The following PLD1 variants were observed in gnomAD, a reference collection of about 807,000 sequenced individuals.
PLD1 encodes choline phosphatase 1.
In PLD1, 112 loss-of-function variants were observed where a neutral mutation model predicts 137.1. That is an observed-to-expected ratio of 0.82 (90% CI 0.70 to 0.96). The LOEUF is 0.96. Among genes scored for constraint, PLD1 ranks in the 40% least tolerant of loss-of-function variants. The pLI, the probability that PLD1 is intolerant of heterozygous loss-of-function variation, is 0.00. For synonymous variants in PLD1, 431 were observed against 454.7 expected (o/e 0.95, Z 0.66); for missense variants, 1,321 against 1,342.0 (o/e 0.98, Z 0.24).
At chr3:171,799,085 A>AATC (rs1723542447) in intron 1 of PLD1, among the ~76,000 whole-genome samples, 1 of 152,224 alleles carries the variant, frequency 6.6e-6, no homozygotes. Context: ...TCATGCCTGT[A>AATC]ATCCCAGCAC....
chr3:171,748,493 A>G (rs1033329858), intron 1 of PLD1, among the ~76,000 whole-genome samples: 2 of 152,138 alleles, frequency 1.3e-5, no homozygotes, highest in Admixed American at 6.5e-5. Context: ...TTGGCAGTAC[A>G]GAGAGTGTTT....
At chr3:171,758,044 G>A (rs1474582635) in intron 1 of PLD1, among the ~76,000 whole-genome samples, 1 of 152,188 alleles carries the variant, frequency 6.6e-6, no homozygotes, top group African/African-American at 2.4e-5. Flanking sequence ...AAATTAAAGA[G>A]CTGGCTTTTA....
intron 1 of PLD1, among the ~76,000 whole-genome samples, chr3:171,750,828 C>T (rs1056520810): frequency 6.6e-6 from 1 of 152,116 alleles, no homozygotes; most frequent in Non-Finnish European, 1.5e-5. Context: ...CTAAGAATTT[C>T]TTACAGAACC....
chr3:171,661,395 C>CT (rs1418091305), intron 20 of PLD1, among the ~76,000 whole-genome samples: 1 of 152,052 alleles, frequency 6.6e-6, no homozygotes, highest in Non-Finnish European at 1.5e-5. Context: ...ATTATTGTGA[C>CT]TTTTTATTTT....
chr3:171,652,512 G>C (rs952110054), intron 21 of PLD1, among the ~76,000 whole-genome samples: 6 of 151,704 alleles, frequency 4.0e-5, no homozygotes, highest in African/African-American at 1.2e-4. Context: ...CAAAATTATA[G>C]GATATGGTAA....
intron 15 of PLD1, 141 bp from the exon 16 acceptor site, chr3:171,686,939 T>G (rs1714626248): frequency 1.9e-6 from 1 of 531,308 alleles, no homozygotes. Flanking sequence ...TTGTAGGGCT[T>G]TAAGATGGAT....
chr3:171,694,557 CAA>C (rs3050444), intron 12 of PLD1, among the ~76,000 whole-genome samples: 33 of 133,942 alleles, frequency 2.5e-4, no homozygotes, highest in African/African-American at 2.7e-4. Context: ...ATAATGGTTA[CAA>C]AAAAAAAAAA....
In PLD1 at chr3:171,693,125, A is replaced by T. The variant is rs117519783; in HGVS notation, c.1228-683T>A. On this transcript the variant is annotated intron_variant, in intron 12 of 26. Transcript: ENST00000351298. ...GTGGCCTATTTAATCGAGTCAAATT[A>T]AATCAAAAGTGCCTTGTAGATGCTA... Among the ~76,000 whole-genome samples the T allele has an allele frequency of 1.2e-4, 19 of 152,352 alleles. No homozygotes were observed. The East Asian group carries it at 3.7e-3, about 29-fold the overall frequency.
At chr3:171,792,650 C>G (rs1404009114) in intron 1 of PLD1, 1 of 456,696 alleles carries the variant, frequency 2.2e-6, no homozygotes, top group Non-Finnish European at 4.4e-6. Context: ...TGTCTTTCCC[C>G]CTGCCTCTGT....
In PLD1 at chr3:171,696,624, C is replaced by T. The variant is rs1166448275; in HGVS notation, c.1227+3121G>A. Among the ~76,000 whole-genome samples the T allele has an allele frequency of 2.6e-5, 4 of 152,162 alleles. No homozygotes were observed. In the East Asian group the frequency reaches 7.7e-4, roughly 29 times the overall value. ...ACAAATATTATGTTTCAACCTCATA[C>T]TTTGCAAAGCTAGTGTGTGGCTTTC... On this transcript the variant is annotated intron_variant, in intron 12 of 26. Transcript: ENST00000351298.
intron 25 of PLD1, among the ~76,000 whole-genome samples, chr3:171,606,316 T>G (rs1732199019): frequency 6.6e-6 from 1 of 152,198 alleles, no homozygotes; most frequent in Admixed American, 6.6e-5. Flanking sequence ...AATTCGATTT[T>G]GAGCCTGTTG....
intron 1 of PLD1, among the ~76,000 whole-genome samples, chr3:171,761,870 G>A (rs190271732): frequency 6.0e-4 from 91 of 152,038 alleles, no homozygotes; most frequent in African/African-American, 1.9e-3. Flanking sequence ...TGTTTCCCCC[G>A]TTAACACACA....
intron 19 of PLD1, among the ~76,000 whole-genome samples, chr3:171,663,566 T>C (rs967891452): frequency 6.6e-6 from 1 of 152,184 alleles, no homozygotes. Context: ...TGGCAGGTCA[T>C]GTCAGGGATG....
intron 26 of PLD1, 95 bp from the exon 27 acceptor site, chr3:171,603,397 T>C: frequency 2.5e-6 from 2 of 810,184 alleles, no homozygotes; most frequent in South Asian, 1.7e-5. Context: ...AAGACCTCTG[T>C]TGTATGAAAC....
chr3:171,610,747 T>C (rs1732582508), intron 25 of PLD1, among the ~76,000 whole-genome samples: 1 of 152,218 alleles, frequency 6.6e-6, no homozygotes, highest in Non-Finnish European at 1.5e-5. Flanking sequence ...TCTCCTCTGC[T>C]AAACAAAACA....
At chr3:171,808,438 A>C (rs2108364073) in intron 1 of PLD1, among the ~76,000 whole-genome samples, 1 of 152,234 alleles carries the variant, frequency 6.6e-6, no homozygotes, top group South Asian at 2.1e-4. Context: ...CAGGAGGCTG[A>C]GGCAGGAGAA....
intron 1 of PLD1, among the ~76,000 whole-genome samples, chr3:171,791,081 C>A (rs1723193591): frequency 6.6e-6 from 1 of 152,158 alleles, no homozygotes; most frequent in African/African-American, 2.4e-5. Flanking sequence ...CTCCATGTTT[C>A]TGTGTTTTGG....
At chr3:171,782,061 A>G (rs1722814531) in intron 1 of PLD1, among the ~76,000 whole-genome samples, 1 of 152,266 alleles carries the variant, frequency 6.6e-6, no homozygotes, top group African/African-American at 2.4e-5. Flanking sequence ...TCAGAAAGGA[A>G]TGAATGACTG....
intron 1 of PLD1, among the ~76,000 whole-genome samples, chr3:171,799,482 T>C (rs912865420): frequency 7.2e-5 from 11 of 151,948 alleles, no homozygotes; most frequent in African/African-American, 2.7e-4. Flanking sequence ...TTTTCTATTT[T>C]AGACCAAAAT....
Sources: allele counts gnomAD v4.1 joint callset (sites outside exome capture counted in the v4.1 genomes callset), GRCh38; gene constraint gnomAD v4.1.1; transcripts MANE v1.5; gene names NCBI Gene and HGNC (gene_info 2026-07-23, HGNC 2026-07-21).